The following F13A1 variants were observed in gnomAD, a reference collection of about 807,000 sequenced individuals.
F13A1 encodes FSF, A subunit.
A neutral mutation model predicts 80.1 loss-of-function variants in F13A1; 47 were observed. That is an observed-to-expected ratio of 0.59 (90% CI 0.46 to 0.75). The LOEUF is 0.75. Ranked by LOEUF, F13A1 falls within the 30% of genes least tolerant of loss-of-function variation. The pLI is 0.00. For missense variants in F13A1, 817 were observed against 930.4 expected (o/e 0.88, Z 1.59); for synonymous variants, 349 against 344.9 (o/e 1.01, Z -0.13).
chr6:6,309,562 C>T (rs916317656), intron 2 of F13A1, among the ~76,000 whole-genome samples: 3 of 152,058 alleles, frequency 2.0e-5, no homozygotes, highest in Non-Finnish European at 4.4e-5. Context: ...GTGGGAGCCA[C>T]GGTGGAAGAG....
chr6:6,292,614 G>T (rs748304431), intron 3 of F13A1, among the ~76,000 whole-genome samples: 1 of 152,154 alleles, frequency 6.6e-6, no homozygotes, highest in Non-Finnish European at 1.5e-5. Context: ...ACCGCCGCTG[G>T]CTTTCCATAA....
chr6:6,267,438 G>A (rs1757860480), intron 3 of F13A1, among the ~76,000 whole-genome samples: 1 of 152,302 alleles, frequency 6.6e-6, no homozygotes, highest in South Asian at 2.1e-4. Context: ...GCATAAGCAT[G>A]TTTGTTCCAG....
intron 8 of F13A1, among the ~76,000 whole-genome samples, chr6:6,197,674 C>CT (rs1290824548): frequency 3.0e-5 from 4 of 131,462 alleles, no homozygotes; most frequent in Non-Finnish European, 6.3e-5. Context: ...GAGACTCCAT[C>CT]TCAAAAAAAA....
intron 2 of F13A1, among the ~76,000 whole-genome samples, chr6:6,311,933 A>G (rs1758607399): frequency 6.8e-6 from 1 of 147,180 alleles, no homozygotes; most frequent in South Asian, 2.1e-4. Flanking sequence ...TATAATATAT[A>G]GTTTTTATAT....
chr6:6,286,100 G>A (rs569460221), intron 3 of F13A1, among the ~76,000 whole-genome samples: 6 of 152,350 alleles, frequency 3.9e-5, no homozygotes, highest in African/African-American at 1.2e-4. Context: ...TATGCCAACA[G>A]GTAAAACCTG....
intron 3 of F13A1, among the ~76,000 whole-genome samples, chr6:6,275,333 T>C (rs569342510): frequency 1.3e-5 from 2 of 150,046 alleles, no homozygotes; most frequent in Non-Finnish European, 3.0e-5. Context: ...TTTCAGTGCC[T>C]ACAAGGTGCC....
chr6:6,190,003 C>T (rs1302468114), intron 10 of F13A1, among the ~76,000 whole-genome samples: 1 of 152,158 alleles, frequency 6.6e-6, no homozygotes, highest in East Asian at 1.9e-4. Flanking sequence ...CCCTTTCTTC[C>T]AGTTGATCGC....
At chr6:6,172,740 C>G (rs1719465342) in intron 12 of F13A1, among the ~76,000 whole-genome samples, 1 of 152,182 alleles carries the variant, frequency 6.6e-6, no homozygotes, top group African/African-American at 2.4e-5. Flanking sequence ...AGCCACCATG[C>G]CTGGCCCCAC....
chr6:6,272,140 C>T (rs1212643698), intron 3 of F13A1, among the ~76,000 whole-genome samples: 4 of 152,138 alleles, frequency 2.6e-5, no homozygotes, highest in East Asian at 1.9e-4. Flanking sequence ...GCCCACTGCA[C>T]GCAAAGCCCT....
intron 13 of F13A1, among the ~76,000 whole-genome samples, chr6:6,165,365 C>A (rs2151072157): frequency 6.6e-6 from 1 of 152,320 alleles, no homozygotes. Context: ...AATAATCCTG[C>A]AAATTAATAG....
rs1422113491 is a variant in F13A1 at position 6,145,239 on chromosome 6, G to A, written c.*380C>T. The A allele has an allele frequency of 3.6e-6, 1 of 278,760 alleles. No homozygotes were observed. The highest frequency in any genetic ancestry group is 7.0e-6 in the Non-Finnish European group (1 of 143,540). 17.3% of individuals were successfully genotyped at this position (278,760 alleles called of 1,614,324 possible). A position where few individuals can be genotyped will look rare whatever the true frequency, so the allele number is the denominator to read the frequency against. ...GCTATTATTCCCAAAAGGCTGAGTG[G>A]GGAATCTGAAGTCTTGTTTTAAATG... On this transcript the variant is annotated 3_prime_UTR_variant, in exon 15 of 15. Transcript: ENST00000264870.
At chr6:6,150,352 T>C (rs1270932600) in intron 14 of F13A1, among the ~76,000 whole-genome samples, 2 of 152,180 alleles carry the variant, frequency 1.3e-5, no homozygotes, top group African/African-American at 4.8e-5. Context: ...TGATTACTAA[T>C]TTACTTATTT....
chr6:6,145,718 G>T lies in F13A1; in HGVS notation c.2100C>A (p.Val700=), dbSNP rs897956106. 6 of 1,614,150 alleles carry T rather than the reference G, an allele frequency of 3.7e-6. No homozygotes were observed. Among genetic ancestry groups the T allele is most frequent in the Non-Finnish European group, 4.2e-6 (5 of 1,180,022 alleles). Residue 700 remains valine (V), a synonymous_variant, in exon 15 of 15, where the codon GTC becomes GTA. Transcript: ENST00000264870. ...TGGCTATCAGCTTCCGATGCCCAGA[G>T]ACCCAGGGCCGGCACACTTCTTCCC... The part of the protein sequence containing the change: ...VQWEEVCRPW[V]SGHRKLIASM...
chr6:6,264,396 C>G (rs1388990789), intron 4 of F13A1, among the ~76,000 whole-genome samples: 1 of 152,152 alleles, frequency 6.6e-6, no homozygotes. Flanking sequence ...AAGTCAATAA[C>G]AAACTCTTGA....
chr6:6,251,317 T>C lies in F13A1; in HGVS notation c.572-388A>G, dbSNP rs3024366. ...ATAATTTCCAACCTTTTAACATTAATAGAAAACTAGATGAATTGAAAATGA... is the reference window on the plus strand; with the variant it reads ...ATAATTTCCAACCTTTTAACATTAACAGAAAACTAGATGAATTGAAAATGA... On this transcript the variant is annotated intron_variant, in intron 4 of 14. Coordinates refer to ENST00000264870, the MANE Select transcript of F13A1 (RefSeq NM_000129.4). Among the ~76,000 whole-genome samples the C allele has an allele frequency of 1.2e-3, 183 of 152,324 alleles. 1 individual carries two copies. The highest frequency in any genetic ancestry group is 4.3e-3 in the African/African-American group (180 of 41,576).
chr6:6,158,299 C>T (rs1228918960), intron 13 of F13A1, among the ~76,000 whole-genome samples: 1 of 152,130 alleles, frequency 6.6e-6, no homozygotes, highest in Admixed American at 6.5e-5. Context: ...GATGCAGGGG[C>T]TGAAGACCGG....
chr6:6,155,365 T>C (rs1760454850), intron 13 of F13A1, among the ~76,000 whole-genome samples: 1 of 152,230 alleles, frequency 6.6e-6, no homozygotes, highest in Non-Finnish European at 1.5e-5. Context: ...ATCAGTTTGC[T>C]TCCAGTATTG....
chr6:6,175,611 C>G (rs928362454), intron 11 of F13A1, among the ~76,000 whole-genome samples: 2 of 152,208 alleles, frequency 1.3e-5, no homozygotes, highest in South Asian at 4.1e-4. Flanking sequence ...ATGTTCTCCA[C>G]CTTAATTAGC....
intron 12 of F13A1, among the ~76,000 whole-genome samples, chr6:6,168,183 C>A (rs952684130): frequency 2.6e-5 from 4 of 152,142 alleles, no homozygotes; most frequent in African/African-American, 4.8e-5. Flanking sequence ...CAGTTTCTAC[C>A]AAAGGCATTC....
Sources: gnomAD v4.1 joint callset for allele counts (sites outside exome capture counted in the v4.1 genomes callset) on GRCh38, gnomAD v4.1.1 for gene constraint, MANE v1.5 for transcripts, NCBI Gene and HGNC (gene_info 2026-07-23, HGNC 2026-07-21) for gene names.